MAGI1: variants seen among roughly 807,000 people sequenced by gnomAD.
MAGI1 encodes membrane-associated guanylate kinase, WW and PDZ domain-containing protein 1.
Under a neutral mutation model 139.9 loss-of-function variants are expected in MAGI1, and 58 were observed. The observed-to-expected ratio is 0.41, with a 90% CI of 0.34 to 0.52. MAGI1 has a LOEUF of 0.52. Among genes scored for constraint, MAGI1 ranks in the 20% least tolerant of loss-of-function variants. The probability of loss-of-function intolerance (pLI) is 0.12; values close to 1 mark genes in which losing one functional copy is unlikely to be tolerated. For synonymous variants in MAGI1, 812 were observed against 737.9 expected (o/e 1.10, Z -1.63); for missense variants, 1,874 against 1,901.6 (o/e 0.99, Z 0.27).
chr3:65,720,165 A>G (rs2032833992), intron 1 of MAGI1: 11 of 151,916 alleles, frequency 7.2e-5, no homozygotes, highest in Admixed American at 7.2e-4. Context: ...TAAGTGTTGG[A>G]TTAATATATT....
rs114588382 is a variant in MAGI1, at chr3:65,677,135, T to C, written c.314-55047A>G. The stretch of plus-strand genomic sequence containing the variant: ...GGAGAACGTGCAGACATTATAGTTT[T>C]TGAAGCACTAGGAAAATCTTTAGAG... On this transcript the variant is annotated intron_variant, in intron 1 of 22. Transcript: ENST00000402939. Among the ~76,000 whole-genome samples the C allele has an allele frequency of 7.4e-3, 1,130 of 152,334 alleles. 11 individuals are homozygous for C. The highest frequency in any genetic ancestry group is 0.026 in the African/African-American group (1,070 of 41,582).
chr3:65,988,950 T>C (rs1334001494), intron 1 of MAGI1, among the ~76,000 whole-genome samples: 1 of 152,214 alleles, frequency 6.6e-6, no homozygotes, highest in African/African-American at 2.4e-5. Context: ...TTCTGGGAGA[T>C]ATGCCTGGTA....
intron 12 of MAGI1, among the ~76,000 whole-genome samples, chr3:65,416,268 C>T (rs941752009): frequency 3.3e-5 from 5 of 152,180 alleles, no homozygotes; most frequent in Admixed American, 6.5e-5. Context: ...GTGGAGTCAA[C>T]AGCCAATGCT....
intron 1 of MAGI1, among the ~76,000 whole-genome samples, chr3:65,871,525 C>T (rs1385297130): frequency 6.6e-6 from 1 of 152,148 alleles, no homozygotes; most frequent in Non-Finnish European, 1.5e-5. Flanking sequence ...CTGGGTGCTT[C>T]CCAGGAGGCC....
At chr3:65,712,455 G>GAAA (rs759022188) in intron 1 of MAGI1, among the ~76,000 whole-genome samples, 1 of 87,782 alleles carries the variant, frequency 1.1e-5, no homozygotes. Context: ...CCCCAAGCAA[G>GAAA]AAAAAAAAAA....
chr3:65,589,156 T>G (rs1198176982), intron 2 of MAGI1, among the ~76,000 whole-genome samples: 1 of 152,174 alleles, frequency 6.6e-6, no homozygotes, highest in Non-Finnish European at 1.5e-5. Flanking sequence ...GAAACTTGAA[T>G]AGTTGAAAAT....
At chr3:65,685,621 A>T (rs2087958890) in intron 1 of MAGI1, among the ~76,000 whole-genome samples, 1 of 152,244 alleles carries the variant, frequency 6.6e-6, no homozygotes, top group South Asian at 2.1e-4. Flanking sequence ...TAGAAGTAGC[A>T]AATAAATACA....
rs773086494 is a variant in MAGI1 at position 65,379,388 on chromosome 3, G to C, written c.2868C>G (p.Gly956=). ...GSTSGIGSGG[G]GGSGVVSTVV... is the part of the protein sequence containing the mutation. ...CGGTGCTGACCACGCCGCTGCCCCC[G>C]CCGCCGCCACTGCCGATGCCGCTGG... The change falls in exon 17 of 23, where the codon GGC becomes GGG. Residue 956 remains glycine (G), a synonymous_variant. Coordinates refer to ENST00000402939, the MANE Select transcript of MAGI1 (RefSeq NM_001033057.2). 4 of 1,612,484 alleles carry C rather than the reference G, an allele frequency of 2.5e-6. No homozygotes were observed. The highest frequency in any genetic ancestry group is 1.3e-5 in the African/African-American group (1 of 74,996).
At chr3:65,569,833 C>A (rs2080863200) in intron 2 of MAGI1, among the ~76,000 whole-genome samples, 1 of 151,610 alleles carries the variant, frequency 6.6e-6, no homozygotes, top group South Asian at 2.1e-4. Context: ...CATGATTGTA[C>A]CACTGCGTTC....
chr3:66,031,807 A>G (rs2068612473), intron 1 of MAGI1, among the ~76,000 whole-genome samples: 1 of 152,196 alleles, frequency 6.6e-6, no homozygotes, highest in Non-Finnish European at 1.5e-5. Context: ...CACAGGGACA[A>G]TGCTGCAAGA....
intron 2 of MAGI1, chr3:65,597,660 T>TC (rs1188539851): frequency 1.5e-5 from 7 of 456,290 alleles, no homozygotes; most frequent in African/African-American, 1.0e-4. Flanking sequence ...CCATGGATAT[T>TC]CCCACAACCC....
chr3:65,415,079 A>G (rs1418589694), intron 12 of MAGI1, among the ~76,000 whole-genome samples: 1 of 151,892 alleles, frequency 6.6e-6, no homozygotes, highest in African/African-American at 2.4e-5. Context: ...AATCTTTCAT[A>G]TTGGAAAATC....
chr3:65,377,277 G>C (rs1435820690), intron 17 of MAGI1, among the ~76,000 whole-genome samples: 1 of 152,172 alleles, frequency 6.6e-6, no homozygotes, highest in African/African-American at 2.4e-5. Flanking sequence ...TAGGTGTGCT[G>C]GAATGCTCCC....
intron 1 of MAGI1, among the ~76,000 whole-genome samples, chr3:65,920,770 C>T (rs1168211147): frequency 6.6e-6 from 1 of 152,310 alleles, no homozygotes; most frequent in Non-Finnish European, 1.5e-5. Flanking sequence ...GTGGCTCACG[C>T]CTGTAATCCC....
At chr3:65,516,014 G>A (rs1455806585) in intron 2 of MAGI1, among the ~76,000 whole-genome samples, 1 of 152,140 alleles carries the variant, frequency 6.6e-6, no homozygotes, top group African/African-American at 2.4e-5. Context: ...ACAATTTCTT[G>A]CCCTAGTTTT....
chr3:65,985,030 T>G (rs888168184), intron 1 of MAGI1, among the ~76,000 whole-genome samples: 1 of 152,176 alleles, frequency 6.6e-6, no homozygotes, highest in African/African-American at 2.4e-5. Flanking sequence ...TAGTAGCCCT[T>G]CCTACCCCAG....
At chr3:65,710,697 C>T (rs961730527) in intron 1 of MAGI1, among the ~76,000 whole-genome samples, 1 of 152,196 alleles carries the variant, frequency 6.6e-6, no homozygotes, top group Non-Finnish European at 1.5e-5. Context: ...TCTCATTCCA[C>T]ACGTGAAGAA....
chr3:65,465,294 T>G (rs949721932), intron 5 of MAGI1, among the ~76,000 whole-genome samples: 5 of 151,256 alleles, frequency 3.3e-5, no homozygotes, highest in Non-Finnish European at 5.9e-5. Flanking sequence ...TATCTATAGT[T>G]TTACTTTCTC....
intron 1 of MAGI1, among the ~76,000 whole-genome samples, chr3:65,821,896 A>G (rs1056854962): frequency 2.0e-5 from 3 of 152,224 alleles, no homozygotes; most frequent in Non-Finnish European, 4.4e-5. Context: ...AGACACACTA[A>G]TAAACCCTGA....
Sources: gnomAD v4.1 joint callset for allele counts (sites outside exome capture counted in the v4.1 genomes callset) on GRCh38, gnomAD v4.1.1 for gene constraint, MANE v1.5 for transcripts, NCBI Gene and HGNC (gene_info 2026-07-23, HGNC 2026-07-21) for gene names.